PDE1C: variants seen among roughly 807,000 people sequenced by gnomAD.
PDE1C encodes dual specificity calcium/calmodulin-dependent 3',5'-cyclic nucleotide phosphodiesterase 1C.
Under a neutral mutation model 93.1 loss-of-function variants are expected in PDE1C, and 62 were observed. That is an observed-to-expected ratio of 0.67 (90% CI 0.54 to 0.82). PDE1C has a LOEUF of 0.82. Ranked by LOEUF, PDE1C falls within the 40% of genes least tolerant of loss-of-function variation. The pLI, the probability that PDE1C is intolerant of heterozygous loss-of-function variation, is 0.00. For synonymous variants in PDE1C, 325 were observed against 310.1 expected (o/e 1.05, Z -0.50); for missense variants, 742 against 884.6 (o/e 0.84, Z 2.04).
intron 2 of PDE1C, among the ~76,000 whole-genome samples, chr7:31,942,358 T>C (rs1322446985): frequency 6.6e-6 from 1 of 152,178 alleles, no homozygotes; most frequent in Non-Finnish European, 1.5e-5. Flanking sequence ...CCTTTTATCA[T>C]CACTCAGCTA....
chr7:32,006,056 T>A (rs2128572719), intron 2 of PDE1C, among the ~76,000 whole-genome samples: 1 of 152,328 alleles, frequency 6.6e-6, no homozygotes, highest in African/African-American at 2.4e-5. Context: ...TTTTTGCAGA[T>A]CAATAATAAG....
intron 2 of PDE1C, among the ~76,000 whole-genome samples, chr7:32,181,748 G>T (rs2128812710): frequency 6.6e-6 from 1 of 152,074 alleles, no homozygotes; most frequent in Non-Finnish European, 1.5e-5. Flanking sequence ...AACTAGAAAA[G>T]CAAGAGCAAA....
chr7:32,307,760 T>C lies in PDE1C; in HGVS notation c.311-98221A>G, dbSNP rs1259507990. Reference sequence around the variant, plus strand: ...AAGCGGGCCCGAGGTGGAGCCAAGATGGCCGAATAGGAACAGCTCCAGTCT... The same window carrying C: ...AAGCGGGCCCGAGGTGGAGCCAAGACGGCCGAATAGGAACAGCTCCAGTCT... On this transcript the variant is annotated intron_variant, in intron 1 of 1. Transcript: ENST00000672256. Among the ~76,000 whole-genome samples the C allele has an allele frequency of 2.0e-5, 3 of 152,154 alleles. No individual in the cohort carries two copies. In the East Asian group the frequency reaches 5.8e-4, roughly 29 times the overall value.
chr7:31,674,262 A>G, the PDE1C span, among the ~76,000 whole-genome samples: 1 of 152,166 alleles, frequency 6.6e-6, no homozygotes, highest in African/African-American at 2.4e-5. Flanking sequence ...AATGCTTGAA[A>G]AATAGTATGC....
intron 1 of PDE1C, among the ~76,000 whole-genome samples, chr7:32,403,088 AATC>A (rs2128095960): frequency 1.3e-5 from 2 of 152,344 alleles, no homozygotes; most frequent in East Asian, 3.9e-4. Context: ...CCAGCTTTTA[AATC>A]ATCAGCTGCT....
chr7:32,327,014 T>C (rs6462355), intron 1 of PDE1C, among the ~76,000 whole-genome samples: 32,431 of 151,974 alleles, frequency 0.21, 4,631 homozygotes, highest in Admixed American at 0.35. Flanking sequence ...CCTAATAACA[T>C]GAGCAAAACA....
chr7:31,770,972 G>T (rs111684088), intron 17 of PDE1C, among the ~76,000 whole-genome samples: 124 of 152,070 alleles, frequency 8.2e-4, no homozygotes, highest in African/African-American at 3.0e-3. Context: ...TTTTAAAATT[G>T]CAATGACTAT....
At chr7:31,880,415 C>T (rs914188322) in intron 3 of PDE1C, among the ~76,000 whole-genome samples, 1 of 152,192 alleles carries the variant, frequency 6.6e-6, no homozygotes. Context: ...TAGACTAACA[C>T]TAAAAACATA....
chr7:32,102,607 G>T lies in PDE1C; in HGVS notation c.308+67178C>A, dbSNP rs1035259211. On this transcript the variant is annotated intron_variant, in intron 3 of 18. Transcript: ENST00000396193. The stretch of plus-strand genomic sequence containing the variant: ...CTTTCCTATCTAGGAAGAGGCAATT[G>T]TCCAGGAAAAATAAAACTCATTCCT... Among the ~76,000 whole-genome samples the T allele has an allele frequency of 2.0e-5, 3 of 152,158 alleles. No homozygotes were observed. The East Asian group carries it at 5.8e-4, about 29-fold the overall frequency.
At chr7:31,876,619 G>A (rs903431335) in intron 5 of PDE1C, among the ~76,000 whole-genome samples, 4 of 152,132 alleles carry the variant, frequency 2.6e-5, no homozygotes, top group Non-Finnish European at 4.4e-5. Flanking sequence ...GAACATTCAG[G>A]TTCAATTATG....
At chr7:31,899,131 A>G (rs372120349) in intron 2 of PDE1C, among the ~76,000 whole-genome samples, 1 of 90,596 alleles carries the variant, frequency 1.1e-5, no homozygotes, top group Admixed American at 1.3e-4. Context: ...GGGCAGTCCC[A>G]CTTTTTTTTT....
intron 1 of PDE1C, among the ~76,000 whole-genome samples, chr7:32,349,875 G>A (rs1050541203): frequency 1.8e-4 from 28 of 152,272 alleles, no homozygotes; most frequent in African/African-American, 5.3e-4. Context: ...TGATTCACCC[G>A]CCTCAGCCTC....
At chr7:31,839,909 C>G (rs190637859) in intron 9 of PDE1C, among the ~76,000 whole-genome samples, 1 of 152,122 alleles carries the variant, frequency 6.6e-6, no homozygotes, top group South Asian at 2.1e-4. Context: ...TTGTGGCATG[C>G]GCCTGTAGTC....
At chr7:31,670,574 AAG>A in the PDE1C span, among the ~76,000 whole-genome samples, 1 of 152,140 alleles carries the variant, frequency 6.6e-6, no homozygotes, top group Non-Finnish European at 1.5e-5. Context: ...AAAAAGGTTG[AAG>A]TATGCATTAA....
At chr7:31,652,795 C>G in the PDE1C span, 6,750 of 1,613,504 alleles carry the variant, frequency 4.2e-3, 30 homozygotes, top group Non-Finnish European at 5.0e-3. Context: ...TCAAATTGTC[C>G]TGTTGGAGAA....
intron 3 of PDE1C, among the ~76,000 whole-genome samples, chr7:32,089,773 G>T (rs903328768): frequency 6.6e-6 from 1 of 152,164 alleles, no homozygotes; most frequent in South Asian, 2.1e-4. Flanking sequence ...GCTGAGCAAT[G>T]TGTGGAATAT....
the PDE1C span, among the ~76,000 whole-genome samples, chr7:31,617,418 AAAT>A: frequency 1.3e-5 from 2 of 152,216 alleles, no homozygotes; most frequent in African/African-American, 4.8e-5. Context: ...AGAGTCATTG[AAAT>A]AATAACCAAA....
At chr7:31,811,706 T>C (rs538940948) in intron 15 of PDE1C, among the ~76,000 whole-genome samples, 2 of 152,250 alleles carry the variant, frequency 1.3e-5, no homozygotes, top group East Asian at 3.9e-4. Context: ...AACACCAGGA[T>C]GTCTTCTGGA....
intron 1 of PDE1C, among the ~76,000 whole-genome samples, chr7:32,268,072 C>T (rs1197461474): frequency 1.3e-5 from 2 of 152,192 alleles, no homozygotes; most frequent in Non-Finnish European, 2.9e-5. Context: ...GGGTTACCCA[C>T]CAGCCATGCG....
Sources: gnomAD v4.1 joint callset for allele counts (sites outside exome capture counted in the v4.1 genomes callset) on GRCh38, gnomAD v4.1.1 for gene constraint, MANE v1.5 for transcripts, NCBI Gene and HGNC (gene_info 2026-07-23, HGNC 2026-07-21) for gene names.